MAGI2: variants seen among roughly 807,000 people sequenced by gnomAD.
MAGI2 encodes the protein membrane-associated guanylate kinase, WW and PDZ domain-containing protein 2.
A neutral mutation model predicts 133.3 loss-of-function variants in MAGI2; 35 were observed. That is an observed-to-expected ratio of 0.26 (90% CI 0.20 to 0.35). The LOEUF is 0.35. Ranked by LOEUF, MAGI2 falls within the 10% of genes least tolerant of loss-of-function variation. MAGI2 has a pLI of 1.00. For missense variants in MAGI2, 1,636 were observed against 1,863.4 expected, an observed-to-expected ratio of 0.88 and a Z score of 2.25; for synonymous variants, 729 against 710.6, an observed-to-expected ratio of 1.03 and a Z score of -0.41.
At chr7:79,055,619 G>T (rs1813084554) in intron 1 of MAGI2, among the ~76,000 whole-genome samples, 2 of 151,888 alleles carry the variant, frequency 1.3e-5, no homozygotes, top group Non-Finnish European at 2.9e-5. Flanking sequence ...ATTCCAGTCA[G>T]ATTAATTACA....
intron 2 of MAGI2, among the ~76,000 whole-genome samples, chr7:78,766,868 C>T (rs916240573): frequency 4.6e-5 from 7 of 152,186 alleles, no homozygotes; most frequent in Admixed American, 1.3e-4. Context: ...AAAAACTAAC[C>T]GTCCTACTGT....
intron 15 of MAGI2, 142 bp from the exon 16 acceptor site, chr7:78,160,415 C>A: frequency 2.1e-6 from 2 of 951,306 alleles, no homozygotes; most frequent in Admixed American, 3.8e-5. Context: ...ATTTGCAGAG[C>A]ATTTGAAAAG....
At chr7:78,756,365 T>C (rs1476228889) in intron 2 of MAGI2, among the ~76,000 whole-genome samples, 1 of 152,224 alleles carries the variant, frequency 6.6e-6, no homozygotes, top group Non-Finnish European at 1.5e-5. Flanking sequence ...ATGATGTGGA[T>C]TAATAACAAC....
intron 2 of MAGI2, among the ~76,000 whole-genome samples, chr7:78,739,380 G>A (rs577267559): frequency 4.6e-4 from 70 of 152,268 alleles, no homozygotes; most frequent in African/African-American, 1.6e-3. Context: ...AAGGCAAGCT[G>A]GCCAATGTTT....
At chr7:79,255,748 G>C (rs989806056) in intron 1 of MAGI2, among the ~76,000 whole-genome samples, 6 of 151,724 alleles carry the variant, frequency 4.0e-5, no homozygotes, top group Non-Finnish European at 8.8e-5. Context: ...TACAGAACTA[G>C]GAATCCATCT....
intron 2 of MAGI2, among the ~76,000 whole-genome samples, chr7:78,876,771 G>A (rs1282050920): frequency 6.6e-6 from 1 of 152,158 alleles, no homozygotes; most frequent in African/African-American, 2.4e-5. Flanking sequence ...TAGAAGAAAG[G>A]TGCAATGAAT....
chr7:78,774,933 C>A lies in MAGI2; in HGVS notation c.419-147694G>T, dbSNP rs191614288. Among the ~76,000 whole-genome samples, 10 of 152,182 alleles carry A rather than the reference C, an allele frequency of 6.6e-5. No homozygotes were observed. In the East Asian group the frequency reaches 9.7e-4, roughly 15 times the overall value. ...TTACTGCAGATGCTACATTATAATA[C>A]AAACACCACTAAGTGACTATCCATT... On this transcript the variant is annotated intron_variant, in intron 2 of 21. Coordinates refer to ENST00000354212, the MANE Select transcript of MAGI2 (RefSeq NM_012301.4).
intron 1 of MAGI2, among the ~76,000 whole-genome samples, chr7:79,012,883 G>A (rs1451425582): frequency 2.0e-5 from 3 of 152,074 alleles, no homozygotes; most frequent in African/African-American, 7.2e-5. Context: ...GCTTGCAAAT[G>A]GCCATCTTCT....
At chr7:78,350,977 T>C (rs1791449034) in intron 7 of MAGI2, among the ~76,000 whole-genome samples, 1 of 152,192 alleles carries the variant, frequency 6.6e-6, no homozygotes, top group South Asian at 2.1e-4. Flanking sequence ...TATCCTGCTA[T>C]CTTGACTTCA....
At chr7:79,051,677 A>G (rs1305837818) in intron 1 of MAGI2, among the ~76,000 whole-genome samples, 1 of 152,160 alleles carries the variant, frequency 6.6e-6, no homozygotes, top group South Asian at 2.1e-4. Flanking sequence ...GAAACAACAA[A>G]TATGTTTCAG....
intron 9 of MAGI2, among the ~76,000 whole-genome samples, chr7:78,278,923 G>A (rs1239232697): frequency 6.6e-6 from 1 of 152,132 alleles, no homozygotes; most frequent in Non-Finnish European, 1.5e-5. Flanking sequence ...ACTGAAAAGA[G>A]GAGTCTGATC....
rs555630019 is a variant in MAGI2, at chr7:78,468,145, C to T, written c.1045+21616G>A. ...GGCTAGTTTACTAAATTTGCAGAGA[C>T]TAATTTTCTTATTTGTAAAATGACA... On this transcript the variant is annotated intron_variant, in intron 6 of 21. Coordinates refer to ENST00000354212, the MANE Select transcript of MAGI2 (RefSeq NM_012301.4). 5.3e-5 allele frequency among the ~76,000 whole-genome samples: 8 copies of T among 152,216 alleles called. No homozygotes were observed. The South Asian group carries it at 1.2e-3, about 24-fold the overall frequency.
At chr7:78,264,818 A>G (rs528005675) in intron 9 of MAGI2, among the ~76,000 whole-genome samples, 49 of 152,204 alleles carry the variant, frequency 3.2e-4, no homozygotes, top group Non-Finnish European at 5.9e-4. Flanking sequence ...AAATGTGGAA[A>G]GCTGTCCTAC....
At chr7:79,101,907 T>G (rs1689574186) in intron 1 of MAGI2, among the ~76,000 whole-genome samples, 1 of 151,750 alleles carries the variant, frequency 6.6e-6, no homozygotes, top group Admixed American at 6.6e-5. Context: ...TATCATACAT[T>G]TTCAGAAACA....
intron 6 of MAGI2, among the ~76,000 whole-genome samples, chr7:78,463,116 T>C (rs531569972): frequency 6.6e-6 from 1 of 152,322 alleles, no homozygotes; most frequent in East Asian, 1.9e-4. Context: ...TTGATGTAAT[T>C]TGCCCATAGG....
chr7:78,852,045 A>G (rs1177087906), intron 2 of MAGI2, among the ~76,000 whole-genome samples: 1 of 152,156 alleles, frequency 6.6e-6, no homozygotes, highest in Non-Finnish European at 1.5e-5. Flanking sequence ...CTTGACAGAT[A>G]TTATATTGCC....
rs761507138 is a variant in MAGI2 at position 78,019,251 on chromosome 7, G to A, written c.*64C>T. The A allele has an allele frequency of 1.3e-6, 2 of 1,549,902 alleles. No homozygotes were observed. The highest frequency in any genetic ancestry group is 1.2e-5 in the South Asian group (1 of 85,792). ...GACAGTGAAAATAAATTAAAACGCC[G>A]TGAGACGGAACCTAAGAAGAACTGC... On this transcript the variant is annotated 3_prime_UTR_variant, in exon 22 of 22. Coordinates refer to ENST00000354212, the MANE Select transcript of MAGI2 (RefSeq NM_012301.4).
chr7:78,986,474 T>C (rs1424782874), intron 2 of MAGI2, among the ~76,000 whole-genome samples: 8 of 151,980 alleles, frequency 5.3e-5, no homozygotes, highest in Admixed American at 4.6e-4. Flanking sequence ...CTATCTCTTG[T>C]CCATTCAAAC....
chr7:78,851,791 T>C (rs1380641457), intron 2 of MAGI2, among the ~76,000 whole-genome samples: 1 of 152,184 alleles, frequency 6.6e-6, no homozygotes, highest in Admixed American at 6.6e-5. Flanking sequence ...ATAGAATCTG[T>C]TAAACATTCT....
Sources: allele counts gnomAD v4.1 joint callset (sites outside exome capture counted in the v4.1 genomes callset), GRCh38; gene constraint gnomAD v4.1.1; transcripts MANE v1.5; gene names NCBI Gene and HGNC (gene_info 2026-07-23, HGNC 2026-07-21).